FLII: variants seen among roughly 807,000 people sequenced by gnomAD.
FLII encodes the protein protein flightless-1 homolog.
In FLII, 101 loss-of-function variants were observed where a neutral mutation model predicts 156.2. The ratio of observed to expected loss-of-function variants is 0.65; its 90% confidence interval spans 0.55 to 0.76. The LOEUF is 0.76. FLII is among the 30% of genes least tolerant of loss of function. The pLI is 0.00. For missense variants in FLII, 1,675 were observed against 1,682.8 expected (o/e 1.00, Z 0.08); for synonymous variants, 767 against 685.8 (o/e 1.12, Z -1.85).
upstream of FLII, chr17:18,258,874 T>G (rs895146937): frequency 4.9e-5 from 15 of 306,992 alleles, no homozygotes; most frequent in Non-Finnish European, 8.1e-5. This position sits in a 1 kb window ranked among gnomAD's most constrained non-coding sequence, Gnocchi z 4.2. Flanking sequence ...GTTCGAAGAC[T>G]GCGGAGGCAC....
At position 18,251,672 on chromosome 17, in the gene FLII, T is replaced by G; in HGVS notation, c.1383+8A>C. 6.2e-7 allele frequency: 1 copy of G among 1,613,906 alleles called. No individual in the cohort carries two copies. The highest frequency in any genetic ancestry group is 8.5e-7 in the Non-Finnish European group (1 of 1,179,992). On this transcript the variant is annotated splice_region_variant and intron_variant, in intron 12 of 29. Coordinates refer to ENST00000327031, the MANE Select transcript of FLII (RefSeq NM_002018.4). ...TCCCTGCCTTGTCCCAACCCTGGCC[T>G]GGCTCACCTCCTGCTTTTTGTTCTT...
chr17:18,256,519 C>T lies in FLII; in HGVS notation c.246+7G>A. 1 of 1,550,920 alleles carries T rather than the reference C, an allele frequency of 6.4e-7. No individual in the cohort carries two copies. The highest frequency in any genetic ancestry group is 8.7e-7 in the Non-Finnish European group (1 of 1,146,532). The stretch of plus-strand genomic sequence containing the variant: ...CCAAGCTCGGTGGCCTCCCGGCCAG[C>T]ACTCACGCGCAGCGATGGCAGGCTG... On this transcript the variant is annotated splice_region_variant and intron_variant, in intron 3 of 29. Coordinates refer to ENST00000327031, the MANE Select transcript of FLII (RefSeq NM_002018.4).
Position 18,258,641 on chromosome 17 carries a change from C to T in FLII, c.50G>A (p.Gly17Asp), listed in dbSNP as rs1260399609. Residue 17 changes from glycine (G) to aspartate (D), a missense_variant, in exon 1 of 30, where the codon GGC becomes GAC. This residue lies in a region of FLII where 343 missense variants were observed against 413.5 expected (regional missense o/e 0.83). Transcript: ENST00000327031. The surrounding 1 kb of genome is among the most constrained non-coding windows in gnomAD (Gnocchi z 4.2). ...GGCCCGGCTCACCTTGAAGTCGTTG[C>T]CGCTGAGGTCCACGCCACGCACGAA... ...LPFVRGVDLS[G>D]NDFKGGYFPE... is the part of the protein sequence containing the mutation. 4 of 1,557,854 alleles carry T rather than the reference C, an allele frequency of 2.6e-6. No individual in the cohort carries two copies. Among genetic ancestry groups the T allele is most frequent in the East Asian group, 2.5e-5 (1 of 40,466 alleles).
chr17:18,254,271 GC>G, intron 6 of FLII, 89 bp from the exon 7 acceptor site: 1 of 1,073,430 alleles, frequency 9.3e-7, no homozygotes, highest in Non-Finnish European at 1.3e-6. Flanking sequence ...AAAGCACAGG[GC>G]CCAGAGGGTA....
intron 14 of FLII, 115 bp downstream of exon 14, chr17:18,250,723 C>A: frequency 6.9e-6 from 8 of 1,167,456 alleles, no homozygotes; most frequent in Non-Finnish European, 9.8e-6. Context: ...CCCCCTTTAA[C>A]CCCAGCTCCC....
rs1250289073 is a variant in FLII at position 18,246,390 on chromosome 17, G to C, written c.3124C>G (p.Arg1042Gly). ...SHFKRKFIIH[R>G]GKRKAVQGAQ... ...CCCTGGACCGCCTTCCTCTTGCCCC[G>C]GTGGATGATGAACTTCCTCTTGAAA... The change falls in exon 24 of 30, where the codon CGG (arginine) becomes GGG (glycine). Residue 1042 changes from arginine (R) to glycine (G), a missense_variant. Transcript: ENST00000327031. 2 of 1,613,976 alleles carry C rather than the reference G, an allele frequency of 1.2e-6. No homozygotes were observed. The highest frequency in any genetic ancestry group is 8.5e-7 in the Non-Finnish European group (1 of 1,179,996).
At chr17:18,257,455 G>A (rs970144828) in intron 1 of FLII, among the ~76,000 whole-genome samples, 1 of 152,240 alleles carries the variant, frequency 6.6e-6, no homozygotes, top group Non-Finnish European at 1.5e-5. Flanking sequence ...CTCACGGCCA[G>A]GGTCAAACCC....
At position 18,253,304 on chromosome 17, in the gene FLII, C is replaced by T. The variant is rs1167055457; in HGVS notation, c.1010G>A (p.Cys337Tyr). Residue 337 changes from cysteine (C) to tyrosine (Y), a missense_variant, in exon 9 of 30, where the codon TGC becomes TAC. Physicochemically the swap from Cys to Tyr is radical, Grantham distance 194 (BLOSUM62 -2). Transcript: ENST00000327031. ...NNLELVPESLCRCPKLRKLVL... is the reference protein window; with the variant it reads ...NNLELVPESLYRCPKLRKLVL... ...TAGCCCCAGCCCTGCCCAGCACCTG[C>T]AGAGACTTTCAGGGACCAGCTCCAG... is the stretch of plus-strand genomic sequence containing the variant. 1.2e-6 allele frequency: 2 copies of T among 1,613,734 alleles called. No homozygotes were observed.
In FLII at chr17:18,258,302, G is replaced by A; in HGVS notation, c.63+326C>T. Reference sequence around the variant, plus strand: ...GGCTTGGGCGTGTGACCTCAGAGGGGCGGGGAGGCTCGCCCGATCCCCAGG... The same window carrying A: ...GGCTTGGGCGTGTGACCTCAGAGGGACGGGGAGGCTCGCCCGATCCCCAGG... On this transcript the variant is annotated intron_variant, in intron 1 of 29. Coordinates refer to ENST00000327031, the MANE Select transcript of FLII (RefSeq NM_002018.4). The surrounding 1 kb of genome is among the most constrained non-coding windows in gnomAD (Gnocchi z 4.2). 1 of 551,982 alleles carries A rather than the reference G, an allele frequency of 1.8e-6. No individual in the cohort carries two copies. 34.2% of individuals were successfully genotyped at this position (551,982 alleles called of 1,614,324 possible). A position where few individuals can be genotyped will look rare whatever the true frequency, so the allele number is the denominator to read the frequency against.
rs537975078 is a variant in FLII at position 18,248,914 on chromosome 17, A to G, written c.1935-31T>C. The G allele has an allele frequency of 3.3e-5, 52 of 1,576,646 alleles. 1 individual carries two copies. In the South Asian group the frequency reaches 5.8e-4, roughly 17 times the overall value. On this transcript the variant is annotated intron_variant, in intron 16 of 29. Transcript: ENST00000327031. ...CAAGAAGGGGCAGGAAGGAGCTGTGATGGTGCATGGGGCAATGGTCACCCC... is the reference window on the plus strand; with the variant it reads ...CAAGAAGGGGCAGGAAGGAGCTGTGGTGGTGCATGGGGCAATGGTCACCCC...
chr17:18,257,863 C>T (rs1352179219), intron 1 of FLII, among the ~76,000 whole-genome samples: 1 of 152,220 alleles, frequency 6.6e-6, no homozygotes, highest in African/African-American at 2.4e-5. Context: ...GAGGCTGACC[C>T]TCCAGCCAGC....
In FLII at chr17:18,245,744, C is replaced by A. The variant is rs1416577789; in HGVS notation, c.3503G>T (p.Arg1168Leu). The A allele has an allele frequency of 1.2e-6, 2 of 1,613,566 alleles. No homozygotes were observed. The highest frequency in any genetic ancestry group is 1.7e-6 in the Non-Finnish European group (2 of 1,179,772). ...GGGAGGGTCAGGGCCCTGGCCTCACCGGAAGAGACGTGTGTGTTTCATGTA... is the reference window on the plus strand; with the variant it reads ...GGGAGGGTCAGGGCCCTGGCCTCACAGGAAGAGACGTGTGTGTTTCATGTA... ...AEYMKHTRLFRCSNEKGYFAV... is the reference protein window; with the variant it reads ...AEYMKHTRLFLCSNEKGYFAV... The change falls in exon 27 of 30, where the codon CGG becomes CTG. Residue 1168 changes from arginine (R) to leucine (L), a missense_variant and splice_region_variant. Arg to Leu is a moderately radical substitution (Grantham distance 102). Transcript: ENST00000327031.
Position 18,255,258 on chromosome 17 carries a change from G to A in FLII, c.252C>T (p.Ile84=), listed in dbSNP as rs778729733. The A allele has an allele frequency of 9.3e-6, 15 of 1,613,018 alleles. No homozygotes were observed. Among genetic ancestry groups the A allele is most frequent in the Middle Eastern group, 1.6e-4 (1 of 6,080 alleles). Residue 84 remains isoleucine, a synonymous_variant, in exon 4 of 30, where the codon ATC becomes ATT. Coordinates refer to ENST00000327031, the MANE Select transcript of FLII (RefSeq NM_002018.4). ...ELSSLPSLRA[I]VARANSLKNS... ...TCTTCAGACTGTTGGCTCGGGCCAC[G>A]ATGGCCTGGGAATAAACCATAAGAG... is the stretch of plus-strand genomic sequence containing the variant.
chr17:18,245,490 T>C (rs545813047), intron 28 of FLII, 65 bp downstream of exon 28: 3 of 1,612,016 alleles, frequency 1.9e-6, no homozygotes, highest in Non-Finnish European at 2.5e-6. Flanking sequence ...GGCCCGAGAA[T>C]TCCCATTTGT....
intron 10 of FLII, 114 bp from the exon 11 acceptor site, chr17:18,252,260 G>A: frequency 9.5e-7 from 1 of 1,056,424 alleles, no homozygotes; most frequent in Non-Finnish European, 1.4e-6. Context: ...TCAGGGAACT[G>A]GGTTCTCCTC....
At chr17:18,253,011 G>T (rs975868845) in intron 9 of FLII, among the ~76,000 whole-genome samples, 6 of 152,196 alleles carry the variant, frequency 3.9e-5, no homozygotes, top group African/African-American at 1.4e-4. Context: ...AGAGCCGGGC[G>T]TGGTAGCGCA....
Position 18,258,412 on chromosome 17 carries a change from C to T in FLII, c.63+216G>A. The T allele has an allele frequency of 1.4e-6, 2 of 1,388,178 alleles. No individual in the cohort carries two copies. Among genetic ancestry groups the T allele is most frequent in the Admixed American group, 2.3e-5 (1 of 44,188 alleles). The allele number at this position is 1,388,178 out of a possible 1,614,324, so 86.0% of individuals were successfully genotyped here. On this transcript the variant is annotated intron_variant, in intron 1 of 29. Transcript: ENST00000327031. The surrounding 1 kb of genome is among the most constrained non-coding windows in gnomAD (Gnocchi z 4.2). ...CGGCGGGACTCCGAGCCCAAGCGTC[C>T]GTCCCCGGCCTGCCCAGCCTCGGTC...
intron 13 of FLII, 120 bp from the exon 14 acceptor site, chr17:18,251,137 G>A (rs1279731061): frequency 2.8e-6 from 4 of 1,407,230 alleles, no homozygotes; most frequent in Non-Finnish European, 3.9e-6. Flanking sequence ...CCCTGTGCCT[G>A]GACCACCTCC....
chr17:18,246,072 G>A lies in FLII; in HGVS notation c.3268-10C>T. 1.2e-6 allele frequency: 2 copies of A among 1,614,142 alleles called. No homozygotes were observed. The highest frequency in any genetic ancestry group is 1.7e-6 in the Non-Finnish European group (2 of 1,180,040). ...CACTCTCAAAGGGAACCTGGGGAGTGTGCAGGGGTGGGGGTGTTCGCAGCT... is the reference window on the plus strand; with the variant it reads ...CACTCTCAAAGGGAACCTGGGGAGTATGCAGGGGTGGGGGTGTTCGCAGCT... On this transcript the variant is annotated splice_polypyrimidine_tract_variant and intron_variant, in intron 25 of 29. Coordinates refer to ENST00000327031, the MANE Select transcript of FLII (RefSeq NM_002018.4).
Sources: allele counts gnomAD v4.1 joint callset (sites outside exome capture counted in the v4.1 genomes callset), GRCh38; gene constraint gnomAD v4.1.1; regional missense constraint gnomAD v4.1.1; non-coding constraint Gnocchi (gnomAD v3.1); transcripts MANE v1.5; gene names NCBI Gene and HGNC (gene_info 2026-07-23, HGNC 2026-07-21).